Variants in PCSK5 observed in about 807,000 individuals in gnomAD.
The protein encoded by PCSK5 is proprotein convertase subtilisin/kexin type 5, also known as prohormone convertase 5.
A neutral mutation model predicts 233.2 loss-of-function variants in PCSK5; 129 were observed. The observed-to-expected ratio is 0.55, with a 90% CI of 0.48 to 0.64. PCSK5 has a LOEUF of 0.64. Ranked by LOEUF, PCSK5 falls within the 30% of genes least tolerant of loss-of-function variation. The pLI is 0.00. For synonymous variants in PCSK5, 825 were observed against 879.2 expected (o/e 0.94, Z 1.09); for missense variants, 2,076 against 2,430.1 (o/e 0.85, Z 3.06).
intron 9 of PCSK5, among the ~76,000 whole-genome samples, chr9:76,108,684 C>T (rs1036935311): frequency 3.3e-5 from 5 of 152,116 alleles, no homozygotes; most frequent in African/African-American, 1.2e-4. Flanking sequence ...ACCCAGTAGG[C>T]GGAGGTTGCA....
intron 9 of PCSK5, among the ~76,000 whole-genome samples, chr9:76,107,839 C>G (rs1196823142): frequency 1.3e-5 from 2 of 152,152 alleles, no homozygotes; most frequent in Admixed American, 1.3e-4. Flanking sequence ...TAGTCAAATT[C>G]TATGTCAAAA....
At chr9:76,252,135 C>T (rs1451196198) in intron 24 of PCSK5, among the ~76,000 whole-genome samples, 1 of 151,914 alleles carries the variant, frequency 6.6e-6, no homozygotes, top group Non-Finnish European at 1.5e-5. Flanking sequence ...GGCATGGTGG[C>T]GGGGTGCCTG....
intron 20 of PCSK5, among the ~76,000 whole-genome samples, chr9:76,209,700 G>A (rs573710629): frequency 6.6e-6 from 1 of 151,954 alleles, no homozygotes; most frequent in African/African-American, 2.4e-5. Context: ...TGACCTTAAA[G>A]AGCAACTAGT....
intron 10 of PCSK5, among the ~76,000 whole-genome samples, chr9:76,140,581 C>T (rs1169546234): frequency 6.6e-6 from 1 of 151,906 alleles, no homozygotes; most frequent in Non-Finnish European, 1.5e-5. Flanking sequence ...GTTCAGTTAC[C>T]TGGAGTGGGC....
At chr9:76,105,322 T>C (rs1475003360) in intron 8 of PCSK5, among the ~76,000 whole-genome samples, 1 of 152,210 alleles carries the variant, frequency 6.6e-6, no homozygotes, top group Non-Finnish European at 1.5e-5. Flanking sequence ...ATGAGGTATG[T>C]AGAGGAATCA....
Position 76,170,528 on chromosome 9 carries a change from C to T in PCSK5, c.1756+688C>T, listed in dbSNP as rs146786782. On this transcript the variant is annotated intron_variant, in intron 13 of 37. Transcript: ENST00000674117. ...CAACATGGGGTGAGAGACTGTGTTG[C>T]CCATTACAGAGCCCTACAGAGTGGC... Among the ~76,000 whole-genome samples, 8 of 152,286 alleles carry T rather than the reference C, an allele frequency of 5.3e-5. No individual in the cohort carries two copies. The East Asian group carries it at 1.5e-3, about 29-fold the overall frequency.
At chr9:76,330,977 C>T (rs1167274112) in intron 33 of PCSK5, among the ~76,000 whole-genome samples, 2 of 152,106 alleles carry the variant, frequency 1.3e-5, no homozygotes, top group Non-Finnish European at 2.9e-5. Context: ...GAGAAGACAG[C>T]TTGCCTCCAC....
intron 35 of PCSK5, among the ~76,000 whole-genome samples, chr9:76,340,707 AT>A (rs1255804489): frequency 2.0e-5 from 3 of 150,334 alleles, no homozygotes; most frequent in African/African-American, 7.3e-5. Context: ...GTTTTATGGA[AT>A]TTCTATTAAA....
chr9:76,268,287 A>G (rs1398141559), intron 24 of PCSK5, among the ~76,000 whole-genome samples: 1 of 152,160 alleles, frequency 6.6e-6, no homozygotes, highest in Non-Finnish European at 1.5e-5. Flanking sequence ...CACCCCACAC[A>G]TACGCACATA....
intron 1 of PCSK5, among the ~76,000 whole-genome samples, chr9:75,908,933 C>CTG (rs1822567192): frequency 3.4e-4 from 32 of 94,588 alleles, no homozygotes; most frequent in African/African-American, 1.1e-3. Flanking sequence ...CTCTCTATCT[C>CTG]TCTCTCTGTC....
chr9:76,141,251 A>G (rs931552689), intron 10 of PCSK5, among the ~76,000 whole-genome samples: 3 of 152,092 alleles, frequency 2.0e-5, no homozygotes, highest in Non-Finnish European at 4.4e-5. Context: ...AGTCTTAGCA[A>G]AGTACACACA....
intron 7 of PCSK5, among the ~76,000 whole-genome samples, chr9:76,076,268 G>T (rs940756669): frequency 2.6e-5 from 4 of 152,140 alleles, no homozygotes; most frequent in African/African-American, 9.7e-5. Flanking sequence ...TGTGTTGGAG[G>T]GGAAGGCAGG....
At chr9:76,284,495 T>A (rs1260761947) in intron 24 of PCSK5, among the ~76,000 whole-genome samples, 1 of 150,140 alleles carries the variant, frequency 6.7e-6, no homozygotes. Context: ...CTCAGCCACA[T>A]GGAACTGTGA....
At chr9:76,051,538 G>T (rs1371769011) in intron 5 of PCSK5, among the ~76,000 whole-genome samples, 1 of 151,838 alleles carries the variant, frequency 6.6e-6, no homozygotes, top group Non-Finnish European at 1.5e-5. Context: ...ACTTGAAAGT[G>T]TTATATTTTT....
Position 76,134,170 on chromosome 9 carries a change from T to G in PCSK5, c.1270T>G (p.Leu424Val). The G allele has an allele frequency of 6.2e-7, 1 of 1,610,446 alleles. No homozygotes were observed. Among genetic ancestry groups the G allele is most frequent in the Non-Finnish European group, 8.5e-7 (1 of 1,178,226 alleles). Residue 424 changes from leucine to valine, a missense_variant, in exon 10 of 38, where the codon TTG becomes GTG. Around this residue, in one of 6 missense-constraint regions of PCSK5, gnomAD observed 178 missense variants for 393.6 expected, o/e 0.45. Coordinates refer to ENST00000674117, the MANE Select transcript of PCSK5 (RefSeq NM_001372043.1). Reference sequence around the variant, plus strand: ...TGTCAGGACTTCCCGTGCGGGACATTTGAACGCTAATGACTGGAAAACCAA... The same window carrying G: ...TGTCAGGACTTCCCGTGCGGGACATGTGAACGCTAATGACTGGAAAACCAA... The part of the protein sequence containing the change: ...VIVRTSRAGH[L>V]NANDWKTNAA...
Position 76,023,749 on chromosome 9 carries a change from C to A in PCSK5, c.423C>A (p.Asp141Glu), listed in dbSNP as rs1828299941. ...TCTTCTTCTTTCAGCACTGCAGTGA[C>A]AATACACATCCCTGCCAGTCTGACA... ...WPSMWYMHCS[D>E]NTHPCQSDMN... The change falls in exon 4 of 38, where the codon GAC becomes GAA. Residue 141 changes from aspartate (D) to glutamate (E), a missense_variant. Around this residue, in one of 6 missense-constraint regions of PCSK5, gnomAD observed 190 missense variants for 216.3 expected, o/e 0.88. Coordinates refer to ENST00000674117, the MANE Select transcript of PCSK5 (RefSeq NM_001372043.1). 3 of 1,611,202 alleles carry A rather than the reference C, an allele frequency of 1.9e-6. No homozygotes were observed. The highest frequency in any genetic ancestry group is 1.7e-4 in the Middle Eastern group (1 of 6,040).
At chr9:76,260,831 A>G (rs1448527648) in intron 24 of PCSK5, among the ~76,000 whole-genome samples, 1 of 152,208 alleles carries the variant, frequency 6.6e-6, no homozygotes, top group Non-Finnish European at 1.5e-5. Flanking sequence ...ATAGAAAACT[A>G]TTTAACTATT....
rs564246535 is a variant in PCSK5, at chr9:76,346,407, G to C, written c.4967-4421G>C. On this transcript the variant is annotated intron_variant, in intron 35 of 37. Coordinates refer to ENST00000674117, the MANE Select transcript of PCSK5 (RefSeq NM_001372043.1). ...AAAAGTTCATCCACATAGTATCCTTGAGAATGTATTCAAGGGATGACTAGG... is the reference window on the plus strand; with the variant it reads ...AAAAGTTCATCCACATAGTATCCTTCAGAATGTATTCAAGGGATGACTAGG... 1.9e-4 allele frequency among the ~76,000 whole-genome samples: 29 copies of C among 152,262 alleles called. No individual in the cohort carries two copies. In the South Asian group the frequency reaches 5.8e-3, roughly 30 times the overall value.
In PCSK5 at chr9:76,159,055, T is replaced by C. The variant is rs147263862; in HGVS notation, c.1503T>C (p.His501=). ...ASGCSDNPNR[H]VNYLEHVVVR... ...GCTGCTCGGATAACCCCAACCGCCA[T>C]GTCAACTACCTGGAGCACGTCGTTG... Residue 501 remains histidine, a synonymous_variant, in exon 12 of 38, where the codon CAT becomes CAC. Transcript: ENST00000674117. 1.0e-3 allele frequency: 1,687 copies of C among 1,614,132 alleles called. 10 individuals are homozygous for C. The highest frequency in any genetic ancestry group is 5.0e-3 in the Middle Eastern group (30 of 6,060).
Sources: gnomAD v4.1 joint callset for allele counts (sites outside exome capture counted in the v4.1 genomes callset) on GRCh38, gnomAD v4.1.1 for gene constraint, gnomAD v4.1.1 regional missense constraint, MANE v1.5 for transcripts, NCBI Gene and HGNC (gene_info 2026-07-23, HGNC 2026-07-21) for gene names.